ZHX3: variants seen among roughly 807,000 people sequenced by gnomAD.
ZHX3 encodes the protein zinc fingers and homeoboxes 3.
ZHX3 carries 20 observed loss-of-function variants against 64.5 expected under a neutral mutation model. The ratio of observed to expected loss-of-function variants is 0.31; its 90% CI spans 0.22 to 0.45. The LOEUF (loss-of-function observed/expected upper bound fraction) is 0.45. Among genes scored for constraint, ZHX3 ranks in the 20% least tolerant of loss-of-function variants. The probability of loss-of-function intolerance (pLI) is 1.00; values close to 1 mark genes in which losing one functional copy is unlikely to be tolerated. For synonymous variants in ZHX3, 423 were observed against 461.6 expected, an observed-to-expected ratio of 0.92 and a Z score of 1.07; for missense variants, 1,041 against 1,195.8, an observed-to-expected ratio of 0.87 and a Z score of 1.91.
chr20:41,310,565 C>T (rs991188899), intron 1 of ZHX3, among the ~76,000 whole-genome samples: 2 of 151,880 alleles, frequency 1.3e-5, no homozygotes, highest in African/African-American at 4.8e-5. Flanking sequence ...GCATTACTGA[C>T]GTAAACAGTA....
chr20:41,214,373 G>A lies in ZHX3; in HGVS notation c.-150-9307C>T, dbSNP rs577327991. Among the ~76,000 whole-genome samples, 10 of 152,302 alleles carry A rather than the reference G, an allele frequency of 6.6e-5. No individual in the cohort carries two copies. In the East Asian group the frequency reaches 1.9e-3, roughly 29 times the overall value. ...CAAGGCTCAGAAAAGTGCAGTGACT[G>A]CCTGGAGCGCACACAACTGGGAGAC... On this transcript the variant is annotated intron_variant, in intron 2 of 3. Coordinates refer to ENST00000683867, the MANE Select transcript of ZHX3 (RefSeq NM_001384317.1).
chr20:41,252,222 T>G (rs1249605517), intron 2 of ZHX3, among the ~76,000 whole-genome samples: 1 of 152,078 alleles, frequency 6.6e-6, no homozygotes, highest in Non-Finnish European at 1.5e-5. Context: ...ACTTTGGGTA[T>G]GGGATCCAGG....
chr20:41,256,519 G>A (rs1165092875), intron 2 of ZHX3, among the ~76,000 whole-genome samples: 2 of 151,566 alleles, frequency 1.3e-5, no homozygotes, highest in African/African-American at 4.9e-5. Flanking sequence ...CACTATTCCC[G>A]TAATTTACCC....
rs930815847 is a variant in ZHX3 at position 41,204,669 on chromosome 20, T to C, written c.248A>G (p.Asp83Gly). 6.2e-7 allele frequency: 1 copy of C among 1,614,238 alleles called. No homozygotes were observed. The highest frequency in any genetic ancestry group is 1.1e-5 in the South Asian group (1 of 91,088). Reference protein sequence around the residue: ...DGYLYSCKYCDFRSHDMTQFV... With the variant: ...DGYLYSCKYCGFRSHDMTQFV... ...TTGGGTCATGTCATGGGATCTGAAA[T>C]CGCAGTATTTACAGGAATATAAATA... The change falls in exon 3 of 4, where the codon GAT (aspartate) becomes GGT (glycine). Residue 83 changes from aspartate to glycine, a missense_variant. By Grantham distance (94) the Asp-to-Gly change is moderately conservative (BLOSUM62 -1). Coordinates refer to ENST00000683867, the MANE Select transcript of ZHX3 (RefSeq NM_001384317.1). This position sits in a 1 kb window ranked among gnomAD's most constrained non-coding sequence, Gnocchi z 6.6.
intron 2 of ZHX3, among the ~76,000 whole-genome samples, chr20:41,237,256 T>G (rs1366609995): frequency 1.3e-5 from 2 of 152,186 alleles, no homozygotes; most frequent in Non-Finnish European, 2.9e-5. Flanking sequence ...AGCCATCCCA[T>G]TACTGGGTAT....
intron 1 of ZHX3, chr20:41,316,743 C>G (rs972945877): frequency 3.9e-5 from 6 of 152,280 alleles, no homozygotes; most frequent in African/African-American, 1.4e-4. Context: ...ATGACTCAAG[C>G]CCTCAAACAC....
intron 1 of ZHX3, among the ~76,000 whole-genome samples, chr20:41,291,992 A>T (rs1322869754): frequency 6.9e-6 from 1 of 143,988 alleles, no homozygotes; most frequent in South Asian, 2.3e-4. Context: ...CAGCCTGGGG[A>T]ACACAGCAAG....
chr20:41,265,520 T>C (rs1379917747), intron 2 of ZHX3, among the ~76,000 whole-genome samples: 1 of 152,146 alleles, frequency 6.6e-6, no homozygotes, highest in Admixed American at 6.5e-5. Flanking sequence ...AAATTTAAAG[T>C]GACCACAGTC....
At chr20:41,218,933 T>TG (rs1417605291) in intron 2 of ZHX3, among the ~76,000 whole-genome samples, 1 of 145,248 alleles carries the variant, frequency 6.9e-6, no homozygotes, top group African/African-American at 2.6e-5. Context: ...GTTTTTTTTT[T>TG]TTTTTTTTTT....
At chr20:41,294,620 C>T (rs572180028) in intron 1 of ZHX3, among the ~76,000 whole-genome samples, 21 of 152,272 alleles carry the variant, frequency 1.4e-4, no homozygotes, top group Middle Eastern at 3.4e-3. Context: ...ACCTCAGCCT[C>T]CCAAAGTGCT....
At chr20:41,215,313 A>G (rs2039440597) in intron 2 of ZHX3, among the ~76,000 whole-genome samples, 1 of 152,186 alleles carries the variant, frequency 6.6e-6, no homozygotes, top group Non-Finnish European at 1.5e-5. Flanking sequence ...AATAAAAACA[A>G]AAGTGCATAA....
At chr20:41,199,666 C>A (rs780064050) in intron 3 of ZHX3, among the ~76,000 whole-genome samples, 4 of 151,304 alleles carry the variant, frequency 2.6e-5, no homozygotes, top group Non-Finnish European at 5.9e-5. Flanking sequence ...CTGGCCCCCT[C>A]AGTGATTAAA....
intron 2 of ZHX3, among the ~76,000 whole-genome samples, chr20:41,223,338 A>T (rs2040070525): frequency 6.6e-6 from 1 of 152,238 alleles, no homozygotes; most frequent in Non-Finnish European, 1.5e-5. Context: ...TACTTTGCAC[A>T]ATGGTAAGTC....
intron 1 of ZHX3, among the ~76,000 whole-genome samples, chr20:41,283,131 A>C (rs2043774484): frequency 6.6e-6 from 1 of 151,334 alleles, no homozygotes; most frequent in Non-Finnish European, 1.5e-5. Flanking sequence ...CTGGTCTTGA[A>C]CTCCTGAGCT....
intron 1 of ZHX3, chr20:41,269,340 C>G (rs1568924892): frequency 6.6e-6 from 1 of 152,234 alleles, no homozygotes; most frequent in South Asian, 2.1e-4. Flanking sequence ...TTTTAACGCT[C>G]TTTCCACCAA....
intron 1 of ZHX3, among the ~76,000 whole-genome samples, chr20:41,275,962 T>G (rs541760950): frequency 5.3e-5 from 8 of 152,110 alleles, no homozygotes; most frequent in African/African-American, 7.2e-5. Context: ...AGAGGATGGG[T>G]TGGATACAGA....
At chr20:41,231,637 T>C (rs2040613260) in intron 2 of ZHX3, among the ~76,000 whole-genome samples, 1 of 152,234 alleles carries the variant, frequency 6.6e-6, no homozygotes, top group Non-Finnish European at 1.5e-5. Context: ...TGTTCATCTT[T>C]GGGTCCTCAA....
chr20:41,236,948 C>T (rs1412092078), intron 2 of ZHX3, among the ~76,000 whole-genome samples: 2 of 152,138 alleles, frequency 1.3e-5, no homozygotes, highest in South Asian at 2.1e-4. Flanking sequence ...AACAAGTGGG[C>T]AAAGGATATG....
chr20:41,181,535 C>T lies in ZHX3; in HGVS notation c.*3656G>A, dbSNP rs1442792118. ...CTGCACCAATCTGAGGATATTGGTC[C>T]AAAAAGAGACAAGAGACCACGAGGC... On this transcript the variant is annotated 3_prime_UTR_variant, in exon 4 of 4. Coordinates refer to ENST00000683867, the MANE Select transcript of ZHX3 (RefSeq NM_001384317.1). 6.6e-6 allele frequency: 1 copy of T among 152,064 alleles called. No individual in the cohort carries two copies. Among genetic ancestry groups the T allele is most frequent in the Non-Finnish European group, 1.5e-5 (1 of 68,028 alleles). 9.4% of individuals were successfully genotyped at this position (152,064 alleles called of 1,614,324 possible).
Sources: gnomAD v4.1 joint callset for allele counts (sites outside exome capture counted in the v4.1 genomes callset) on GRCh38, gnomAD v4.1.1 for gene constraint, Gnocchi (gnomAD v3.1) non-coding constraint, MANE v1.5 for transcripts, NCBI Gene and HGNC (gene_info 2026-07-23, HGNC 2026-07-21) for gene names.